CDKAL1: variants seen among roughly 807,000 people sequenced by gnomAD.
The protein encoded by CDKAL1 is CDKAL1 threonylcarbamoyladenosine tRNA methylthiotransferase.
Under a neutral mutation model 68.2 loss-of-function variants are expected in CDKAL1, and 32 were observed. That is an observed-to-expected ratio of 0.47 (90% CI 0.35 to 0.63). The LOEUF is 0.63. Among genes scored for constraint, CDKAL1 ranks in the 30% least tolerant of loss-of-function variants. CDKAL1 has a pLI of 0.00. For synonymous variants in CDKAL1, 234 were observed against 244.3 expected (o/e 0.96, Z 0.39); for missense variants, 606 against 696.7 (o/e 0.87, Z 1.47).
intron 11 of CDKAL1, among the ~76,000 whole-genome samples, chr6:21,047,026 C>T (rs1056944670): frequency 6.6e-6 from 1 of 151,906 alleles, no homozygotes; most frequent in Non-Finnish European, 1.5e-5. Context: ...AAGCATTGAC[C>T]AAATGTTCTG....
chr6:20,774,166 A>T (rs1050680956), intron 7 of CDKAL1, among the ~76,000 whole-genome samples: 1 of 152,188 alleles, frequency 6.6e-6, no homozygotes, highest in Non-Finnish European at 1.5e-5. Context: ...TGAATGAAGT[A>T]TTGAAGAAAA....
At chr6:20,560,543 A>C (rs1764226927) in intron 4 of CDKAL1, among the ~76,000 whole-genome samples, 1 of 152,236 alleles carries the variant, frequency 6.6e-6, no homozygotes, top group Non-Finnish European at 1.5e-5. Context: ...CTTTAATACT[A>C]CATTGCTTTC....
intron 4 of CDKAL1, among the ~76,000 whole-genome samples, chr6:20,643,136 G>A (rs1768268251): frequency 6.6e-6 from 1 of 152,182 alleles, no homozygotes; most frequent in Non-Finnish European, 1.5e-5. Flanking sequence ...CGAAGTAGGT[G>A]GAGTTCTTTC....
intron 12 of CDKAL1, among the ~76,000 whole-genome samples, chr6:21,102,048 C>T (rs1455267840): frequency 6.6e-6 from 1 of 152,172 alleles, no homozygotes; most frequent in African/African-American, 2.4e-5. Context: ...TTAGGAAGCT[C>T]TTTCTGAAGC....
At chr6:21,219,636 G>A (rs981735364) in intron 15 of CDKAL1, among the ~76,000 whole-genome samples, 2 of 152,138 alleles carry the variant, frequency 1.3e-5, no homozygotes, top group Non-Finnish European at 2.9e-5. Context: ...TCCTTTATTC[G>A]TTTTATGCAG....
intron 11 of CDKAL1, among the ~76,000 whole-genome samples, chr6:21,058,557 GA>G (rs1340750045): frequency 6.6e-6 from 1 of 152,206 alleles, no homozygotes; most frequent in African/African-American, 2.4e-5. Flanking sequence ...CTGTCATCAT[GA>G]CTCTAACTAG....
chr6:20,760,124 A>G (rs1241859345), intron 7 of CDKAL1, among the ~76,000 whole-genome samples: 1 of 151,648 alleles, frequency 6.6e-6, no homozygotes, highest in African/African-American at 2.4e-5. Flanking sequence ...ATCTTTTTTT[A>G]TTATTTTTTA....
chr6:20,827,632 A>G (rs376597961), intron 8 of CDKAL1, among the ~76,000 whole-genome samples: 13 of 152,318 alleles, frequency 8.5e-5, no homozygotes, highest in African/African-American at 3.1e-4. Flanking sequence ...ATGGAGTTGC[A>G]TGGAAGACTA....
Position 20,748,348 on chromosome 6 carries a change from A to G in CDKAL1, c.468+8733A>G, listed in dbSNP as rs545259420. Among the ~76,000 whole-genome samples, 11 of 152,084 alleles carry G rather than the reference A, an allele frequency of 7.2e-5. No individual in the cohort carries two copies. The South Asian group carries it at 2.1e-3, about 29-fold the overall frequency. The stretch of plus-strand genomic sequence containing the variant: ...TAAAATAATAATAATGATAATAATA[A>G]CAATAACAAAAATTAGCCTGGCATG... On this transcript the variant is annotated intron_variant, in intron 6 of 15. Coordinates refer to ENST00000274695, the MANE Select transcript of CDKAL1 (RefSeq NM_017774.3).
At chr6:21,055,845 T>A (rs1297226763) in intron 11 of CDKAL1, among the ~76,000 whole-genome samples, 2 of 152,212 alleles carry the variant, frequency 1.3e-5, no homozygotes, top group Admixed American at 1.3e-4. Context: ...TTTGCATGTA[T>A]CTTTATAATA....
At chr6:20,603,968 A>G (rs1196375944) in intron 4 of CDKAL1, among the ~76,000 whole-genome samples, 1 of 150,762 alleles carries the variant, frequency 6.6e-6, no homozygotes, top group Admixed American at 6.6e-5. Context: ...CTAATGTTTT[A>G]TCTTGGTGGT....
intron 12 of CDKAL1, 96 bp downstream of exon 12, chr6:21,065,324 C>A: frequency 1.1e-6 from 1 of 935,300 alleles, no homozygotes; most frequent in Non-Finnish European, 1.6e-6. Flanking sequence ...ATGTTATAAC[C>A]CTTAAATTAC....
chr6:20,607,780 C>T (rs921557496), intron 4 of CDKAL1, among the ~76,000 whole-genome samples: 14 of 151,908 alleles, frequency 9.2e-5, no homozygotes, highest in South Asian at 6.2e-4. Context: ...CTGCAACCTC[C>T]GCCTCCCAGG....
At chr6:20,665,521 C>T (rs1769492321) in intron 5 of CDKAL1, among the ~76,000 whole-genome samples, 1 of 152,024 alleles carries the variant, frequency 6.6e-6, no homozygotes, top group Non-Finnish European at 1.5e-5. Flanking sequence ...TCTAGTGATG[C>T]ACCTTTCCAG....
rs779664877 is a variant in CDKAL1 at position 21,022,124 on chromosome 6, C to G, written c.1055+21752C>G. Among the ~76,000 whole-genome samples, 85 of 152,258 alleles carry G rather than the reference C, an allele frequency of 5.6e-4. 1 individual carries two copies. The highest frequency in any genetic ancestry group is 1.1e-3 in the Non-Finnish European group (72 of 68,004). Reference sequence around the variant, plus strand: ...GACCCACCAACATATTTTAGCAAAGCTACAAGGATTTGGAATGATAGTGGC... The same window carrying G: ...GACCCACCAACATATTTTAGCAAAGGTACAAGGATTTGGAATGATAGTGGC... On this transcript the variant is annotated intron_variant, in intron 11 of 15. Coordinates refer to ENST00000274695, the MANE Select transcript of CDKAL1 (RefSeq NM_017774.3).
chr6:21,012,948 A>G (rs1768104602), intron 11 of CDKAL1, among the ~76,000 whole-genome samples: 2 of 152,200 alleles, frequency 1.3e-5, no homozygotes, highest in African/African-American at 4.8e-5. Context: ...GTTTCTTGTC[A>G]GTTCCATTAA....
intron 4 of CDKAL1, among the ~76,000 whole-genome samples, chr6:20,584,324 G>T (rs1478321048): frequency 6.6e-6 from 1 of 152,102 alleles, no homozygotes; most frequent in East Asian, 1.9e-4. Context: ...AGGCAAGGGG[G>T]CTCTAAGAAA....
intron 13 of CDKAL1, among the ~76,000 whole-genome samples, chr6:21,116,995 C>T (rs1363447498): frequency 6.6e-6 from 1 of 152,198 alleles, no homozygotes; most frequent in Non-Finnish European, 1.5e-5. Flanking sequence ...CCTGTTCTGT[C>T]ACCAGTTGCC....
chr6:20,838,163 G>T (rs1384147784), intron 8 of CDKAL1, among the ~76,000 whole-genome samples: 1 of 151,754 alleles, frequency 6.6e-6, no homozygotes, highest in Non-Finnish European at 1.5e-5. Flanking sequence ...ATCTTACATG[G>T]CAGAATTATA....
Sources: allele counts gnomAD v4.1 joint callset (sites outside exome capture counted in the v4.1 genomes callset), GRCh38; gene constraint gnomAD v4.1.1; transcripts MANE v1.5; gene names NCBI Gene and HGNC (gene_info 2026-07-23, HGNC 2026-07-21).